The following CELF5 variants were observed in gnomAD, a reference collection of about 807,000 sequenced individuals.
The protein encoded by CELF5 is CUGBP Elav-like family member 5, also known as CUG-BP and ETR-3 like factor 5.
A neutral mutation model predicts 54.9 loss-of-function variants in CELF5; 6 were observed. The observed-to-expected ratio is 0.11, with a 90% CI of 0.06 to 0.22. The LOEUF (loss-of-function observed/expected upper bound fraction) is 0.22. CELF5 is among the 10% of genes least tolerant of loss of function. CELF5 has a pLI of 1.00. For missense variants in CELF5, 401 were observed against 678.6 expected (o/e 0.59, Z 4.54); for synonymous variants, 271 against 290.9 (o/e 0.93, Z 0.70).
chr19:3,228,137 C>T lies in CELF5; in HGVS notation c.259+3139C>T, dbSNP rs1568325512. Among the ~76,000 whole-genome samples, 1 of 149,658 alleles carries T rather than the reference C, an allele frequency of 6.7e-6. No individual in the cohort carries two copies. The highest frequency in any genetic ancestry group is 1.5e-5 in the Non-Finnish European group (1 of 67,176). On this transcript the variant is annotated intron_variant, in intron 1 of 12. Coordinates refer to ENST00000292672, the MANE Select transcript of CELF5 (RefSeq NM_021938.4). The surrounding 1 kb of genome is among the most constrained non-coding windows in gnomAD (Gnocchi z 6.0). ...AGAGAGAGAGAGAGAGATGAGGACA[C>T]AGAGAGAGAGAGAGAGACACGCAGG...
At chr19:3,283,586 G>A (rs2080185748) in intron 8 of CELF5, among the ~76,000 whole-genome samples, 1 of 152,066 alleles carries the variant, frequency 6.6e-6, no homozygotes, top group South Asian at 2.1e-4. Flanking sequence ...CTGGGCTCAA[G>A]CAGGCCTCCC....
At chr19:3,292,840 G>A (rs1458387630) in intron 11 of CELF5, among the ~76,000 whole-genome samples, 1 of 152,160 alleles carries the variant, frequency 6.6e-6, no homozygotes, top group Non-Finnish European at 1.5e-5. Context: ...AGGCTGCAGT[G>A]AGCTGAGATT....
intron 2 of CELF5, among the ~76,000 whole-genome samples, chr19:3,267,292 C>CAA (rs1481020367): frequency 8.7e-5 from 13 of 148,884 alleles, no homozygotes; most frequent in Admixed American, 4.1e-4. Flanking sequence ...GCAACCCCCC[C>CAA]GTTTCCGGTT....
intron 2 of CELF5, chr19:3,270,606 G>A (rs1381969725): frequency 6.8e-6 from 1 of 147,312 alleles, no homozygotes; most frequent in East Asian, 2.0e-4. Context: ...TGTGCGCCCG[G>A]GGCGGCCGGG....
At chr19:3,280,875 G>C (rs1005214089) in intron 5 of CELF5, among the ~76,000 whole-genome samples, 1 of 152,176 alleles carries the variant, frequency 6.6e-6, no homozygotes, top group African/African-American at 2.4e-5. Flanking sequence ...GGTGCCTCCA[G>C]CTGTGCCTCC....
At chr19:3,251,668 TTTTTTTG>T (rs1262293076) in intron 2 of CELF5, among the ~76,000 whole-genome samples, 4 of 138,512 alleles carry the variant, frequency 2.9e-5, no homozygotes, top group Middle Eastern at 3.6e-3. Flanking sequence ...TTTTTTTTTT[TTTTTTTG>T]TTGTTGTTGT....
rs58462515 is a variant in CELF5 at position 3,256,534 on chromosome 19, TTTATTATTATTA to T, written c.342+5498_342+5509del. 6.8e-3 allele frequency among the ~76,000 whole-genome samples: 980 copies of T among 144,518 alleles called. 9 individuals carry two copies. The highest frequency in any genetic ancestry group is 0.012 in the African/African-American group (462 of 39,446). 94.8% of individuals were successfully genotyped at this position (144,518 alleles called of 152,430 possible). ...GCAATGACTCAGGACGGAGGTTTCA[TTTATTATTATTA>T]TTATTATTATTATTATTATTATTAT... On this transcript the variant is annotated intron_variant, in intron 2 of 12. Transcript: ENST00000292672.
rs1287570985 is a variant in CELF5, at chr19:3,230,482, GC to G, written c.259+5485del. The stretch of plus-strand genomic sequence containing the variant: ...GAACTGGATCTATGAAGGCCTGGAG[GC>G]ATGAAGAATTTGCACAGCTAGGGTA... On this transcript the variant is annotated intron_variant, in intron 1 of 12. Coordinates refer to ENST00000292672, the MANE Select transcript of CELF5 (RefSeq NM_021938.4). Among the ~76,000 whole-genome samples the G allele has an allele frequency of 2.6e-5, 4 of 152,330 alleles. No homozygotes were observed. In the East Asian group the frequency reaches 7.7e-4, roughly 29 times the overall value.
chr19:3,279,884 G>A (rs1455129596), intron 5 of CELF5, among the ~76,000 whole-genome samples: 1 of 152,118 alleles, frequency 6.6e-6, no homozygotes. Flanking sequence ...TGTATTTGTA[G>A]TAGAGACGGG....
At chr19:3,231,922 TGGATGGATGAAA>T (rs1318901219) in intron 1 of CELF5, among the ~76,000 whole-genome samples, 1 of 150,660 alleles carries the variant, frequency 6.6e-6, no homozygotes, top group Non-Finnish European at 1.5e-5. Flanking sequence ...AATGGTTGGA[TGGATGGATGAAA>T]AGATGGATGG....
At chr19:3,280,270 C>T (rs932460809) in intron 5 of CELF5, among the ~76,000 whole-genome samples, 2 of 152,086 alleles carry the variant, frequency 1.3e-5, no homozygotes, top group African/African-American at 4.8e-5. Flanking sequence ...CATCTGCCTG[C>T]AAAGGGCACA....
intron 1 of CELF5, among the ~76,000 whole-genome samples, chr19:3,237,101 A>G (rs1215724239): frequency 6.6e-6 from 1 of 151,626 alleles, no homozygotes; most frequent in South Asian, 2.1e-4. Context: ...TCACGAGGTC[A>G]GGAGATCGAG....
rs2144968317 is a variant in CELF5, at chr19:3,228,895, TG to T, written c.259+3898del. ...GCCGGCGTGTGTGTGTGTGTGTGTG[TG>T]TGTGTGTGTGTGTGTGTGTACGCGG... On this transcript the variant is annotated intron_variant, in intron 1 of 12. Transcript: ENST00000292672. This position sits in a 1 kb window ranked among gnomAD's most constrained non-coding sequence, Gnocchi z 6.0. Among the ~76,000 whole-genome samples, 1 of 150,026 alleles carries T rather than the reference TG, an allele frequency of 6.7e-6. No individual in the cohort carries two copies. The highest frequency in any genetic ancestry group is 2.1e-4 in the South Asian group (1 of 4,662).
chr19:3,233,242 T>G (rs920180340), intron 1 of CELF5, among the ~76,000 whole-genome samples: 3 of 152,054 alleles, frequency 2.0e-5, no homozygotes, highest in African/African-American at 7.2e-5. Flanking sequence ...GAGCCATGAT[T>G]ATGCCACTGC....
Position 3,258,518 on chromosome 19 carries a change from A to G in CELF5, c.342+7451A>G, listed in dbSNP as rs556945781. 6.6e-5 allele frequency among the ~76,000 whole-genome samples: 10 copies of G among 152,294 alleles called. No individual in the cohort carries two copies. In the South Asian group the frequency reaches 2.1e-3, roughly 32 times the overall value. ...GGATAATTTTATCTCAAGATCCTTC[A>G]TTTAATTACATCTGCAAAAGACCTC... On this transcript the variant is annotated intron_variant, in intron 2 of 12. Transcript: ENST00000292672.
rs917343835 is a variant in CELF5 at position 3,268,300 on chromosome 19, C to G, written c.343-5572C>G. 6.6e-6 allele frequency among the ~76,000 whole-genome samples: 1 copy of G among 152,174 alleles called. No homozygotes were observed. The highest frequency in any genetic ancestry group is 1.5e-5 in the Non-Finnish European group (1 of 68,040). ...GGGGTTACAGGTGTGAGCCACCACA[C>G]CCGGCACCTAGAAGTGTTTGGAGGA... is the stretch of plus-strand genomic sequence containing the variant. On this transcript the variant is annotated intron_variant, in intron 2 of 12. Coordinates refer to ENST00000292672, the MANE Select transcript of CELF5 (RefSeq NM_021938.4). The surrounding 1 kb of genome is among the most constrained non-coding windows in gnomAD (Gnocchi z 4.4).
intron 12 of CELF5, 100 bp downstream of exon 12, chr19:3,293,586 T>A: frequency 9.7e-7 from 1 of 1,033,134 alleles, no homozygotes; most frequent in Non-Finnish European, 1.3e-6. Context: ...CCAGGTGGGG[T>A]GATGCTTCAA....
chr19:3,256,443 G>T (rs2079727195), intron 2 of CELF5, among the ~76,000 whole-genome samples: 1 of 152,058 alleles, frequency 6.6e-6, no homozygotes, highest in South Asian at 2.1e-4. Context: ...TGAGGATACA[G>T]TACAAACAGA....
intron 12 of CELF5, chr19:3,294,664 T>C (rs985804257): frequency 1.3e-5 from 2 of 152,110 alleles, no homozygotes; most frequent in Non-Finnish European, 2.9e-5. Context: ...TGAGCATCTA[T>C]TATGTGCTAG....
Sources: gnomAD v4.1 joint callset for allele counts (sites outside exome capture counted in the v4.1 genomes callset) on GRCh38, gnomAD v4.1.1 for gene constraint, Gnocchi (gnomAD v3.1) non-coding constraint, MANE v1.5 for transcripts, NCBI Gene and HGNC (gene_info 2026-07-23, HGNC 2026-07-21) for gene names.